Variants in PCDHGB4 observed in about 807,000 individuals in gnomAD.
The protein encoded by PCDHGB4 is protocadherin gamma-B4.
Under a neutral mutation model 60.5 loss-of-function variants are expected in PCDHGB4, and 38 were observed. The observed-to-expected ratio is 0.63, with a 90% CI of 0.48 to 0.82. PCDHGB4 has a LOEUF of 0.82. Ranked by LOEUF, PCDHGB4 falls within the 40% of genes least tolerant of loss-of-function variation. PCDHGB4 has a pLI of 0.00. For synonymous variants in PCDHGB4, 456 were observed against 509.7 expected, an observed-to-expected ratio of 0.89 and a Z score of 1.42; for missense variants, 1,109 against 1,209.6, an observed-to-expected ratio of 0.92 and a Z score of 1.23.
At chr5:141,467,361 G>T (rs555435172) in intron 1 of PCDHGB4, among the ~76,000 whole-genome samples, 2 of 151,742 alleles carry the variant, frequency 1.3e-5, no homozygotes, top group Non-Finnish European at 2.9e-5. Flanking sequence ...CCAAATCAAC[G>T]TTTTCTTATA....
intron 1 of PCDHGB4, chr5:141,409,289 G>A: frequency 1.2e-6 from 2 of 1,613,976 alleles, no homozygotes; most frequent in Middle Eastern, 1.6e-4. Context: ...TTCACCTCCA[G>A]GAATGGTTGT....
Position 141,485,422 on chromosome 5 carries a change from C to G in PCDHGB4, c.2398-9385C>G, listed in dbSNP as rs775279056. 6.2e-7 allele frequency: 1 copy of G among 1,614,130 alleles called. No homozygotes were observed. Among genetic ancestry groups the G allele is most frequent in the East Asian group, 2.2e-5 (1 of 44,872 alleles). ...TCCGTGTGGATTTGGACAGCGGAGC[C>G]CTGCTCATCAAGAACCCAATCGACC... On this transcript the variant is annotated intron_variant, in intron 1 of 3. Transcript: ENST00000519479. The surrounding 1 kb of genome is among the most constrained non-coding windows in gnomAD (Gnocchi z 5.7).
chr5:141,431,932 C>T lies in PCDHGB4; in HGVS notation c.2397+41651C>T. 2 of 1,614,172 alleles carry T rather than the reference C, an allele frequency of 1.2e-6. No individual in the cohort carries two copies. The highest frequency in any genetic ancestry group is 1.7e-6 in the Non-Finnish European group (2 of 1,180,002). On this transcript the variant is annotated intron_variant, in intron 1 of 3. Coordinates refer to ENST00000519479, the MANE Select transcript of PCDHGB4 (RefSeq NM_003736.4). This position sits in a 1 kb window ranked among gnomAD's most constrained non-coding sequence, Gnocchi z 4.8. The stretch of plus-strand genomic sequence containing the variant: ...TCTGTTTCATCCAAGGAAATCTGCC[C>T]TTTAAATTAGAAAAATCTTACGGAA...
rs769641310 is a variant in PCDHGB4, at chr5:141,477,421, T to G, written c.2398-17386T>G. 1.7e-5 allele frequency: 28 copies of G among 1,614,172 alleles called. No individual in the cohort carries two copies. Among genetic ancestry groups the G allele is most frequent in the Non-Finnish European group, 2.3e-5 (27 of 1,180,028 alleles). On this transcript the variant is annotated intron_variant, in intron 1 of 3. Coordinates refer to ENST00000519479, the MANE Select transcript of PCDHGB4 (RefSeq NM_003736.4). The surrounding 1 kb of genome is among the most constrained non-coding windows in gnomAD (Gnocchi z 4.9). ...TCACCGCCCGAGACGCCGGAACCCC[T>G]TCCCTCTCAGCCCTTACAATAGTGC...
intron 1 of PCDHGB4, chr5:141,403,515 G>A: frequency 6.2e-7 from 1 of 1,614,024 alleles, no homozygotes; most frequent in Non-Finnish European, 8.5e-7. Context: ...GGAGACAATG[G>A]AGCCATAAAC....
At chr5:141,502,488 T>A (rs1273845698) in intron 2 of PCDHGB4, among the ~76,000 whole-genome samples, 1 of 152,236 alleles carries the variant, frequency 6.6e-6, no homozygotes, top group Non-Finnish European at 1.5e-5. Context: ...ACACTGGGAC[T>A]CATCTAACGT....
At chr5:141,402,999 T>TATG in intron 1 of PCDHGB4, 1 of 1,613,984 alleles carries the variant, frequency 6.2e-7, no homozygotes, top group Non-Finnish European at 8.5e-7. Context: ...TTAGTCCTGC[T>TATG]ATGCTCGCTC....
chr5:141,393,387 C>T lies in PCDHGB4; in HGVS notation c.2397+3106C>T, dbSNP rs772072669. The stretch of plus-strand genomic sequence containing the variant: ...GACTGGAGACAATGGAGCCATAAAC[C>T]CAGAGCTGGTGCTGGAGCGCGCCCT... On this transcript the variant is annotated intron_variant, in intron 1 of 3. Coordinates refer to ENST00000519479, the MANE Select transcript of PCDHGB4 (RefSeq NM_003736.4). The T allele has an allele frequency of 3.7e-6, 6 of 1,613,972 alleles. No homozygotes were observed. The East Asian group carries it at 1.3e-4, about 36-fold the overall frequency.
At chr5:141,472,256 T>C (rs2099275290) in intron 1 of PCDHGB4, among the ~76,000 whole-genome samples, 1 of 152,176 alleles carries the variant, frequency 6.6e-6, no homozygotes, top group South Asian at 2.1e-4. Flanking sequence ...TAAAGTTATA[T>C]TATAGCCGGG....
chr5:141,404,165 T>G, intron 1 of PCDHGB4: 1 of 1,613,246 alleles, frequency 6.2e-7, no homozygotes, highest in Non-Finnish European at 8.5e-7. Flanking sequence ...TTACAGATTG[T>G]TGACGGCCCA....
chr5:141,489,042 A>T lies in PCDHGB4; in HGVS notation c.2398-5765A>T. On this transcript the variant is annotated intron_variant, in intron 1 of 3. Coordinates refer to ENST00000519479, the MANE Select transcript of PCDHGB4 (RefSeq NM_003736.4). This position sits in a 1 kb window ranked among gnomAD's most constrained non-coding sequence, Gnocchi z 4.5. ...TCTCCTCCTCCAGCTCCCCAGCTCCACTCAAATTCAGCTCCCCTCCCCCCT... is the reference window on the plus strand; with the variant it reads ...TCTCCTCCTCCAGCTCCCCAGCTCCTCTCAAATTCAGCTCCCCTCCCCCCT... The T allele has an allele frequency of 4.2e-6, 2 of 473,800 alleles. No individual in the cohort carries two copies. The highest frequency in any genetic ancestry group is 3.7e-6 in the Non-Finnish European group (1 of 270,920). 29.3% of individuals were successfully genotyped at this position (473,800 alleles called of 1,614,324 possible).
Position 141,432,028 on chromosome 5 carries a change from C to T in PCDHGB4, c.2397+41747C>T, listed in dbSNP as rs776543767. ...TTCCTAGCTACAACATCACAGTGAC[C>T]GCCACTGACCGGGGAACCCCGCCCC... On this transcript the variant is annotated intron_variant, in intron 1 of 3. Coordinates refer to ENST00000519479, the MANE Select transcript of PCDHGB4 (RefSeq NM_003736.4). The surrounding 1 kb of genome is among the most constrained non-coding windows in gnomAD (Gnocchi z 6.0). The T allele has an allele frequency of 1.1e-5, 18 of 1,614,050 alleles. No individual in the cohort carries two copies. The highest frequency in any genetic ancestry group is 9.9e-5 in the South Asian group (9 of 91,090).
At chr5:141,399,053 A>G (rs2093744168) in intron 1 of PCDHGB4, 2 of 1,613,630 alleles carry the variant, frequency 1.2e-6, no homozygotes, top group East Asian at 2.2e-5. Context: ...GAAGAGACCA[A>G]GGAATATTCA....
chr5:141,464,394 G>A (rs1277856342), intron 1 of PCDHGB4, among the ~76,000 whole-genome samples: 1 of 150,654 alleles, frequency 6.6e-6, no homozygotes. Context: ...TGCTAATGAA[G>A]AACCTGAGAT....
chr5:141,404,047 A>G, intron 1 of PCDHGB4: 1 of 1,613,860 alleles, frequency 6.2e-7, no homozygotes, highest in Non-Finnish European at 8.5e-7. Context: ...AGGGAACAGT[A>G]ATTCTTCTTT....
chr5:141,492,720 A>G (rs1161942205), intron 1 of PCDHGB4, among the ~76,000 whole-genome samples: 1 of 152,256 alleles, frequency 6.6e-6, no homozygotes, highest in East Asian at 1.9e-4. Context: ...GCAGGCGGAC[A>G]GGCAGAGCTG....
At chr5:141,447,675 C>T (rs1416110491) in intron 1 of PCDHGB4, among the ~76,000 whole-genome samples, 13 of 152,064 alleles carry the variant, frequency 8.5e-5, no homozygotes, top group Admixed American at 8.5e-4. Context: ...TAGAACTGTT[C>T]CATATCTTGA....
At chr5:141,454,666 A>G (rs1561955978) in intron 1 of PCDHGB4, among the ~76,000 whole-genome samples, 1 of 152,104 alleles carries the variant, frequency 6.6e-6, no homozygotes, top group Non-Finnish European at 1.5e-5. Context: ...TCGGCCTCCC[A>G]AAACACTGGG....
At chr5:141,454,685 C>A (rs1305853379) in intron 1 of PCDHGB4, among the ~76,000 whole-genome samples, 1 of 151,844 alleles carries the variant, frequency 6.6e-6, no homozygotes, top group Non-Finnish European at 1.5e-5. Context: ...GGATTACAGG[C>A]ATGAGCCACC....
Sources: gnomAD v4.1 joint callset for allele counts (sites outside exome capture counted in the v4.1 genomes callset) on GRCh38, gnomAD v4.1.1 for gene constraint, Gnocchi (gnomAD v3.1) non-coding constraint, MANE v1.5 for transcripts, NCBI Gene and HGNC (gene_info 2026-07-23, HGNC 2026-07-21) for gene names.